FAT3: variants seen among roughly 807,000 people sequenced by gnomAD.
FAT3 encodes the protein protocadherin Fat 3.
A neutral mutation model predicts 310.2 loss-of-function variants in FAT3; 95 were observed. That is an observed-to-expected ratio of 0.31 (90% CI 0.26 to 0.36). The LOEUF (loss-of-function observed/expected upper bound fraction) is 0.36. Ranked by LOEUF, FAT3 falls within the 10% of genes least tolerant of loss-of-function variation. The pLI, the probability that FAT3 is intolerant of heterozygous loss-of-function variation, is 1.00. For synonymous variants in FAT3, 2,314 were observed against 2,192.9 expected, an observed-to-expected ratio of 1.06 and a Z score of -1.54; for missense variants, 5,408 against 5,715.6, an observed-to-expected ratio of 0.95 and a Z score of 1.74.
intron 1 of FAT3, among the ~76,000 whole-genome samples, chr11:92,346,438 C>T (rs775785234): frequency 6.6e-6 from 1 of 152,136 alleles, no homozygotes; most frequent in Non-Finnish European, 1.5e-5. Flanking sequence ...TCACCATGCA[C>T]AGGACCTCTC....
chr11:92,765,170 A>C lies in FAT3; in HGVS notation c.4195+81A>C, dbSNP rs560672843. Reference sequence around the variant, plus strand: ...CTAGGAAAAAAAAAAAAAAGAAAGAAAGCAAAAAACTAACAATTAGTGCCA... The same window carrying C: ...CTAGGAAAAAAAAAAAAAAGAAAGACAGCAAAAAACTAACAATTAGTGCCA... On this transcript the variant is annotated intron_variant, in intron 6 of 27. Coordinates refer to ENST00000525166, the MANE Select transcript of FAT3 (RefSeq NM_001367949.2). The C allele has an allele frequency of 8.8e-5, 110 of 1,246,062 alleles. No homozygotes were observed. The South Asian group carries it at 1.6e-3, about 18-fold the overall frequency. The allele number at this position is 1,246,062 out of a possible 1,614,324, so 77.2% of individuals were successfully genotyped here. A position where few individuals can be genotyped will look rare whatever the true frequency, so the allele number is the denominator to read the frequency against.
At chr11:92,526,141 G>A (rs925561683) in intron 3 of FAT3, among the ~76,000 whole-genome samples, 6 of 152,110 alleles carry the variant, frequency 3.9e-5, no homozygotes, top group Admixed American at 3.3e-4. Flanking sequence ...CAGATTTGGA[G>A]CCTTGGCCCA....
At position 92,478,271 on chromosome 11, in the gene FAT3, G is replaced by A. The variant is rs182017177; in HGVS notation, c.3293-46363G>A. Among the ~76,000 whole-genome samples, 556 of 152,176 alleles carry A rather than the reference G, an allele frequency of 3.7e-3. 1 individual carries two copies. The highest frequency in any genetic ancestry group is 0.01 in the Middle Eastern group (3 of 292). On this transcript the variant is annotated intron_variant, in intron 2 of 27. Coordinates refer to ENST00000525166, the MANE Select transcript of FAT3 (RefSeq NM_001367949.2). Reference sequence around the variant, plus strand: ...TTGCTCTTGAATTTAATCTTACTACGGATGACAACATCATTTTCCCAGTCA... The same window carrying A: ...TTGCTCTTGAATTTAATCTTACTACAGATGACAACATCATTTTCCCAGTCA...
intron 3 of FAT3, among the ~76,000 whole-genome samples, chr11:92,572,730 T>C (rs575869901): frequency 1.3e-5 from 2 of 152,226 alleles, no homozygotes; most frequent in African/African-American, 4.8e-5. Flanking sequence ...TAAGTTGTCC[T>C]TGTTCAGCCT....
intron 4 of FAT3, among the ~76,000 whole-genome samples, chr11:92,751,368 C>T (rs185476627): frequency 4.6e-5 from 7 of 152,252 alleles, no homozygotes; most frequent in South Asian, 2.1e-4. Context: ...GTGGTTAACA[C>T]GGAGTGCCTG....
At chr11:92,847,025 A>T (rs762455135) in intron 19 of FAT3, among the ~76,000 whole-genome samples, 24 of 152,322 alleles carry the variant, frequency 1.6e-4, no homozygotes, top group African/African-American at 5.8e-4. Flanking sequence ...AGAGTAGCAT[A>T]CTGATTCAAG....
intron 4 of FAT3, among the ~76,000 whole-genome samples, chr11:92,700,788 CCTCT>C (rs1231459114): frequency 6.6e-6 from 1 of 152,080 alleles, no homozygotes; most frequent in East Asian, 1.9e-4. Flanking sequence ...CTCCCTTTGT[CCTCT>C]CTCTCTTTTT....
intron 13 of FAT3, among the ~76,000 whole-genome samples, chr11:92,825,674 A>G (rs1395557967): frequency 1.3e-5 from 2 of 152,120 alleles, no homozygotes; most frequent in African/African-American, 2.4e-5. Context: ...CTAGAATGCC[A>G]TTCTCAAAAG....
intron 3 of FAT3, among the ~76,000 whole-genome samples, chr11:92,531,951 C>T (rs984846716): frequency 6.6e-6 from 1 of 151,958 alleles, no homozygotes; most frequent in Non-Finnish European, 1.5e-5. Context: ...GTTGTGACAA[C>T]CAAAATATCA....
At position 92,695,543 on chromosome 11, in the gene FAT3, C is replaced by A. The variant is rs537662437; in HGVS notation, c.3608-1841C>A. Among the ~76,000 whole-genome samples the A allele has an allele frequency of 3.9e-5, 6 of 152,220 alleles. 1 individual carries two copies. The highest frequency in any genetic ancestry group is 6.8e-3 in the Middle Eastern group (2 of 294). On this transcript the variant is annotated intron_variant, in intron 3 of 27. Coordinates refer to ENST00000525166, the MANE Select transcript of FAT3 (RefSeq NM_001367949.2). Reference sequence around the variant, plus strand: ...CAAGCCTTTCCCACCCACAAATACACCCTCCACACACAAAACAATACCCTC... The same window carrying A: ...CAAGCCTTTCCCACCCACAAATACAACCTCCACACACAAAACAATACCCTC...
At chr11:92,618,302 G>T (rs61901867) in intron 3 of FAT3, among the ~76,000 whole-genome samples, 39,835 of 152,154 alleles carry the variant, frequency 0.26, 5,993 homozygotes, top group Non-Finnish European at 0.33. Context: ...CAATCTCCTG[G>T]TGTGCCATTT....
At chr11:92,664,081 A>T (rs1044270790) in intron 3 of FAT3, among the ~76,000 whole-genome samples, 1 of 152,094 alleles carries the variant, frequency 6.6e-6, no homozygotes, top group Non-Finnish European at 1.5e-5. Flanking sequence ...GTATATGCTC[A>T]TTCTCATCAT....
intron 1 of FAT3, among the ~76,000 whole-genome samples, chr11:92,345,873 G>T (rs1397694602): frequency 1.3e-5 from 2 of 152,146 alleles, no homozygotes; most frequent in Non-Finnish European, 2.9e-5. Flanking sequence ...TTAAACTAGG[G>T]TGTTGGGGTA....
intron 1 of FAT3, among the ~76,000 whole-genome samples, chr11:92,243,723 A>ATT (rs1483209417): frequency 6.6e-6 from 1 of 152,074 alleles, no homozygotes; most frequent in East Asian, 1.9e-4. Context: ...ATGCTACCAG[A>ATT]TGAGCCACAG....
At chr11:92,398,120 C>T (rs1463517604) in intron 2 of FAT3, among the ~76,000 whole-genome samples, 2 of 151,968 alleles carry the variant, frequency 1.3e-5, no homozygotes, top group Admixed American at 1.3e-4. Flanking sequence ...TGCCAGCACT[C>T]CTTGGCTTTC....
intron 1 of FAT3, among the ~76,000 whole-genome samples, chr11:92,238,563 A>G (rs1167069951): frequency 3.9e-5 from 6 of 152,000 alleles, no homozygotes; most frequent in South Asian, 2.1e-4. Context: ...GCTGTTACAG[A>G]TGGGGAAAGG....
Position 92,762,109 on chromosome 11 carries a change from C to G in FAT3, c.3923C>G (p.Pro1308Arg), listed in dbSNP as rs755748240. Residue 1308 changes from proline to arginine, a missense_variant, in exon 5 of 28, where the codon CCT (proline) becomes CGT (arginine). Pro to Arg is a moderately radical substitution (Grantham distance 103, BLOSUM62 -2). Coordinates refer to ENST00000525166, the MANE Select transcript of FAT3 (RefSeq NM_001367949.2). ...GNDDGKFFID[P>R]KTGMVSSRKQ... ...GATGACGGAAAGTTCTTTATTGACC[C>G]TAAAACTGGGATGGTTTCTTCTAGA... 3.1e-6 allele frequency: 5 copies of G among 1,613,912 alleles called. No individual in the cohort carries two copies. The highest frequency in any genetic ancestry group is 3.4e-6 in the Non-Finnish European group (4 of 1,179,834).
chr11:92,810,995 T>C (rs1947656040), intron 13 of FAT3, among the ~76,000 whole-genome samples: 1 of 152,202 alleles, frequency 6.6e-6, no homozygotes, highest in South Asian at 2.1e-4. Flanking sequence ...AAATACATGA[T>C]AATTAGTTGA....
intron 2 of FAT3, among the ~76,000 whole-genome samples, chr11:92,450,902 C>G (rs1416189712): frequency 6.6e-6 from 1 of 152,170 alleles, no homozygotes; most frequent in Non-Finnish European, 1.5e-5. Context: ...GACTTCCAAA[C>G]TTGGGTTTCT....
Sources: gnomAD v4.1 joint callset for allele counts (sites outside exome capture counted in the v4.1 genomes callset) on GRCh38, gnomAD v4.1.1 for gene constraint, MANE v1.5 for transcripts, NCBI Gene and HGNC (gene_info 2026-07-23, HGNC 2026-07-21) for gene names.